The following DDX19A variants were observed in gnomAD, a reference collection of about 807,000 sequenced individuals.
The protein encoded by DDX19A is DEAD-box helicase 19A.
DDX19A carries 12 observed loss-of-function variants against 60.6 expected under a neutral mutation model. The ratio of observed to expected loss-of-function variants is 0.20; its 90% CI spans 0.13 to 0.32. The LOEUF is 0.32. Ranked by LOEUF, DDX19A falls within the 10% of genes least tolerant of loss-of-function variation. The pLI, the probability that DDX19A is intolerant of heterozygous loss-of-function variation, is 1.00. For synonymous variants in DDX19A, 206 were observed against 218.2 expected (o/e 0.94, Z 0.49); for missense variants, 337 against 600.6 (o/e 0.56, Z 4.59).
chr16:70,363,956 G>A (rs1246622121), intron 5 of DDX19A: 1 of 151,984 alleles, frequency 6.6e-6, no homozygotes, highest in Non-Finnish European at 1.5e-5. Flanking sequence ...AGCCAGGGTG[G>A]TCTCGATCTC....
At chr16:70,356,880 C>T (rs1367699122) in intron 4 of DDX19A, 13 of 1,272,724 alleles carry the variant, frequency 1.0e-5, no homozygotes, top group African/African-American at 7.9e-5. Flanking sequence ...CAGGTGATTT[C>T]TGGATGTCAG....
intron 9 of DDX19A, among the ~76,000 whole-genome samples, chr16:70,368,574 A>G (rs1248787084): frequency 2.0e-5 from 3 of 151,390 alleles, no homozygotes; most frequent in East Asian, 3.9e-4. Context: ...CCTGACGCCA[A>G]AAAATACTCT....
chr16:70,356,594 G>A (rs1964193588), intron 4 of DDX19A, among the ~76,000 whole-genome samples: 1 of 151,956 alleles, frequency 6.6e-6, no homozygotes, highest in South Asian at 2.1e-4. Flanking sequence ...CTGACCTCAG[G>A]TGATCTGCCT....
intron 4 of DDX19A, among the ~76,000 whole-genome samples, chr16:70,357,703 C>A (rs1307359957): frequency 1.3e-5 from 2 of 151,904 alleles, no homozygotes; most frequent in Non-Finnish European, 2.9e-5. Context: ...AGGTTTACTT[C>A]AGTAAATTAA....
At position 70,373,202 on chromosome 16, in the gene DDX19A, C is replaced by T. The variant is rs964104482; in HGVS notation, c.*1216C>T. 1 of 152,176 alleles carries T rather than the reference C, an allele frequency of 6.6e-6. No individual in the cohort carries two copies. The highest frequency in any genetic ancestry group is 1.5e-5 in the Non-Finnish European group (1 of 68,048). 9.4% of individuals were successfully genotyped at this position (152,176 alleles called of 1,614,324 possible). On this transcript the variant is annotated 3_prime_UTR_variant, in exon 12 of 12. Transcript: ENST00000302243. ...GAGCTGAAATGGCGCCACTGCACTC[C>T]AGCCTGGGTAACAGAGCGAGACCCC...
chr16:70,355,776 A>G (rs1432045759), intron 3 of DDX19A: 4 of 582,276 alleles, frequency 6.9e-6, no homozygotes, highest in Non-Finnish European at 9.1e-6. Context: ...AGCCTGGGCA[A>G]CATACTGAGA....
intron 5 of DDX19A, chr16:70,361,755 G>A: frequency 2.8e-6 from 1 of 353,990 alleles, no homozygotes; most frequent in Non-Finnish European, 5.1e-6. Context: ...CTGGGCTTAA[G>A]GCCGGGCATG....
At chr16:70,352,482 ACCATGTTGG>A (rs1567649496) in intron 2 of DDX19A, among the ~76,000 whole-genome samples, 2 of 151,638 alleles carry the variant, frequency 1.3e-5, no homozygotes, top group African/African-American at 4.8e-5. Flanking sequence ...ACGGGGTTTC[ACCATGTTGG>A]CCAGGTTGGT....
chr16:70,347,174 G>A (rs1430640260), intron 1 of DDX19A, 126 bp downstream of exon 1: 2 of 895,028 alleles, frequency 2.2e-6, no homozygotes, highest in Non-Finnish European at 3.5e-6. Context: ...TGCTAGGGCA[G>A]TCACTTGCCC....
At chr16:70,359,560 C>T (rs1391480615) in intron 4 of DDX19A, among the ~76,000 whole-genome samples, 1 of 152,136 alleles carries the variant, frequency 6.6e-6, no homozygotes, top group Non-Finnish European at 1.5e-5. Context: ...TAGCTGTTTA[C>T]ATAAGAAGTT....
Position 70,366,678 on chromosome 16 carries a change from T to G in DDX19A, c.837T>G (p.Ser279=), listed in dbSNP as rs549213517. The G allele has an allele frequency of 6.2e-7, 1 of 1,614,228 alleles. No individual in the cohort carries two copies. Among genetic ancestry groups the G allele is most frequent in the South Asian group, 1.1e-5 (1 of 91,084 alleles). Residue 279 remains serine, a synonymous_variant, in exon 9 of 12, where the codon TCT becomes TCG. Transcript: ENST00000302243. ...TTTTCTCCGCCACCTTTGAAGACTCTGTGTGGAAGTTTGCCCAGAAAGTGG... is the reference window on the plus strand; with the variant it reads ...TTTTCTCCGCCACCTTTGAAGACTCGGTGTGGAAGTTTGCCCAGAAAGTGG... The part of the protein sequence containing the change: ...MLLFSATFED[S]VWKFAQKVVP...
At chr16:70,353,555 A>G (rs1227659782) in intron 2 of DDX19A, among the ~76,000 whole-genome samples, 8 of 152,116 alleles carry the variant, frequency 5.3e-5, no homozygotes, top group East Asian at 1.9e-4. Flanking sequence ...AAGTTTGACT[A>G]TTAATTCTGT....
At chr16:70,371,113 C>T (rs185596290) in intron 10 of DDX19A, 36 of 613,160 alleles carry the variant, frequency 5.9e-5, no homozygotes, top group Admixed American at 4.8e-4. Context: ...CTTCCAGGGG[C>T]GCCCATCTCC....
chr16:70,365,034 A>G lies in DDX19A; in HGVS notation c.507A>G (p.Pro169=), dbSNP rs776667114. The G allele has an allele frequency of 7.4e-6, 12 of 1,614,188 alleles. No individual in the cohort carries two copies. The South Asian group carries it at 1.3e-4, about 18-fold the overall frequency. ...DRYPQCLCLS[P]TYELALQTGK... is the part of the protein sequence containing the mutation. The stretch of plus-strand genomic sequence containing the variant: ...TCTGTCAGTGTCTGTGCCTCTCCCC[A>G]ACATATGAGCTGGCGCTTCAAACAG... The change falls in exon 7 of 12, where the codon CCA becomes CCG. Residue 169 remains proline, a synonymous_variant. Transcript: ENST00000302243.
In DDX19A at chr16:70,372,389, G is replaced by A. The variant is rs762762482; in HGVS notation, c.*403G>A. ...AGTGGAAAATGGTGTGAGCCCCACC[G>A]CTGTGCATCGAATGAGGGAAGTGGC... On this transcript the variant is annotated 3_prime_UTR_variant, in exon 12 of 12. Coordinates refer to ENST00000302243, the MANE Select transcript of DDX19A (RefSeq NM_018332.5). The A allele has an allele frequency of 7.9e-5, 21 of 266,790 alleles. No homozygotes were observed. The highest frequency in any genetic ancestry group is 1.1e-4 in the Non-Finnish European group (15 of 138,030). The allele number at this position is 266,790 out of a possible 1,614,324, so 16.5% of individuals were successfully genotyped here.
chr16:70,365,115 C>G lies in DDX19A; in HGVS notation c.588C>G (p.Ala196=), dbSNP rs778877553. Reference sequence around the variant, plus strand: ...ACCCAGAACTGAAGCTTGCCTATGCCGTTCGAGGCAATAAATGTGAGTACG... The same window carrying G: ...ACCCAGAACTGAAGCTTGCCTATGCGGTTCGAGGCAATAAATGTGAGTACG... ...KFYPELKLAY[A]VRGNKLERGQ... The change falls in exon 7 of 12, where the codon GCC becomes GCG. Residue 196 remains alanine, a synonymous_variant. Transcript: ENST00000302243. The G allele has an allele frequency of 6.2e-7, 1 of 1,613,002 alleles. No homozygotes were observed. The highest frequency in any genetic ancestry group is 8.5e-7 in the Non-Finnish European group (1 of 1,179,048).
intron 4 of DDX19A, among the ~76,000 whole-genome samples, chr16:70,358,897 T>C (rs912644234): frequency 6.6e-6 from 1 of 152,222 alleles, no homozygotes; most frequent in African/African-American, 2.4e-5. Flanking sequence ...TCAAGGACTT[T>C]ATTCACCAAA....
At chr16:70,347,407 A>G (rs946184094) in intron 1 of DDX19A, 5 of 268,608 alleles carry the variant, frequency 1.9e-5, no homozygotes, top group Admixed American at 5.1e-5. Flanking sequence ...TGTATTTAAC[A>G]TTTCTTAGAT....
At chr16:70,365,773 C>A (rs1964501554) in intron 7 of DDX19A, 7 of 410,392 alleles carry the variant, frequency 1.7e-5, no homozygotes, top group Middle Eastern at 7.7e-4. Flanking sequence ...GAGTGAGACC[C>A]TGTCTCAAAA....
Sources: allele counts gnomAD v4.1 joint callset (sites outside exome capture counted in the v4.1 genomes callset), GRCh38; gene constraint gnomAD v4.1.1; transcripts MANE v1.5; gene names NCBI Gene and HGNC (gene_info 2026-07-23, HGNC 2026-07-21).